The following ERC2 variants were observed in gnomAD, a reference collection of about 807,000 sequenced individuals.
The protein encoded by ERC2 is ERC protein 2.
ERC2 carries 42 observed loss-of-function variants against 114.8 expected under a neutral mutation model. The ratio of observed to expected loss-of-function variants is 0.37; its 90% CI spans 0.29 to 0.47. ERC2 has a LOEUF of 0.47. Among genes scored for constraint, ERC2 ranks in the 20% least tolerant of loss-of-function variants. ERC2 has a pLI of 0.99. For synonymous variants in ERC2, 454 were observed against 425.5 expected (o/e 1.07, Z -0.82); for missense variants, 939 against 1,150.7 (o/e 0.82, Z 2.66).
At chr3:56,276,474 A>AAAAAAAAAAAAAAC (rs1446116012) in intron 3 of ERC2, among the ~76,000 whole-genome samples, 2,295 of 146,488 alleles carry the variant, frequency 0.016, 31 homozygotes, top group Non-Finnish European at 0.026. Context: ...AAAAAAAAAA[A>AAAAAAAAAAAAAAC]AAACAAACTC....
chr3:55,747,701 G>A (rs536261211), intron 14 of ERC2, among the ~76,000 whole-genome samples: 1 of 152,212 alleles, frequency 6.6e-6, no homozygotes, highest in Non-Finnish European at 1.5e-5. Flanking sequence ...CCTTTGCAAA[G>A]TTTCACCAAT....
chr3:56,339,234 C>A (rs563323262), intron 2 of ERC2, among the ~76,000 whole-genome samples: 1 of 152,142 alleles, frequency 6.6e-6, no homozygotes, highest in Non-Finnish European at 1.5e-5. Context: ...TATGGGAGTG[C>A]GCCATCATAC....
rs373693565 is a variant in ERC2 at position 56,091,079 on chromosome 3, C to G, written c.1474-10095G>C. ...GATGGGACAATTTGATGCACTTTTT[C>G]TTTAAAATTCGCTCTGGGTGTTCTA... On this transcript the variant is annotated intron_variant, in intron 6 of 17. Transcript: ENST00000288221. 2.3e-3 allele frequency among the ~76,000 whole-genome samples: 351 copies of G among 152,104 alleles called. 19 individuals are homozygous for G. The South Asian group carries it at 0.07, about 30-fold the overall frequency.
At chr3:56,211,566 C>T (rs1280239579) in intron 3 of ERC2, among the ~76,000 whole-genome samples, 1 of 151,928 alleles carries the variant, frequency 6.6e-6, no homozygotes, top group Non-Finnish European at 1.5e-5. Context: ...ATCAAAATAC[C>T]ACCAGCATTC....
chr3:55,700,553 C>T (rs2063170106), intron 15 of ERC2, among the ~76,000 whole-genome samples: 1 of 152,216 alleles, frequency 6.6e-6, no homozygotes, highest in Admixed American at 6.5e-5. Context: ...CAATGAAAGT[C>T]AAATGCTGTC....
intron 6 of ERC2, among the ~76,000 whole-genome samples, chr3:56,107,815 C>A (rs7647972): frequency 1.3e-5 from 2 of 152,004 alleles, no homozygotes; most frequent in Non-Finnish European, 2.9e-5. Flanking sequence ...TAACTGATTC[C>A]TACTGTAATA....
At chr3:56,287,402 C>T (rs1262561693) in intron 3 of ERC2, among the ~76,000 whole-genome samples, 4 of 152,142 alleles carry the variant, frequency 2.6e-5, no homozygotes, top group Admixed American at 2.6e-4. Context: ...AAAAATTCAC[C>T]TATTTGTGCA....
At chr3:56,338,357 C>T (rs989551899) in intron 2 of ERC2, among the ~76,000 whole-genome samples, 4 of 152,200 alleles carry the variant, frequency 2.6e-5, no homozygotes, top group Non-Finnish European at 5.9e-5. Flanking sequence ...TAATCCAGGC[C>T]CTCTTTTCAG....
intron 10 of ERC2, among the ~76,000 whole-genome samples, chr3:56,001,516 G>A (rs960442054): frequency 6.6e-6 from 1 of 152,044 alleles, no homozygotes; most frequent in Admixed American, 6.6e-5. Flanking sequence ...ATTAACTTGA[G>A]GAGAAAAGTC....
chr3:56,115,894 C>A lies in ERC2; in HGVS notation c.1473+23615G>T, dbSNP rs149378963. ...GCACACACTGAAGGCCACCCTCCCC[C>A]TGCTGTAATCCCTCCAGGGCCAGGT... On this transcript the variant is annotated intron_variant, in intron 6 of 17. Coordinates refer to ENST00000288221, the MANE Select transcript of ERC2 (RefSeq NM_015576.3). Among the ~76,000 whole-genome samples, 798 of 152,288 alleles carry A rather than the reference C, an allele frequency of 5.2e-3. 13 individuals carry two copies. The highest frequency in any genetic ancestry group is 0.018 in the African/African-American group (767 of 41,564).
chr3:56,420,359 G>C (rs2061339727), intron 2 of ERC2, among the ~76,000 whole-genome samples: 1 of 151,154 alleles, frequency 6.6e-6, no homozygotes. Flanking sequence ...TAATTTTTTA[G>C]TAAAGACAGG....
At chr3:55,517,300 G>A (rs867834189) in intron 17 of ERC2, among the ~76,000 whole-genome samples, 54 of 151,866 alleles carry the variant, frequency 3.6e-4, no homozygotes, top group African/African-American at 1.1e-3. Context: ...AATTAGCCAG[G>A]CGTAATGGCG....
At chr3:56,460,981 A>AT (rs869258017) in intron 1 of ERC2, among the ~76,000 whole-genome samples, 2 of 146,820 alleles carry the variant, frequency 1.4e-5, no homozygotes, top group Admixed American at 6.8e-5. Flanking sequence ...AAAAAAAAAA[A>AT]GCAAGATGGC....
intron 3 of ERC2, among the ~76,000 whole-genome samples, chr3:56,293,021 A>C (rs1420877274): frequency 6.6e-6 from 1 of 152,244 alleles, no homozygotes; most frequent in Non-Finnish European, 1.5e-5. Flanking sequence ...ACATTTTGTT[A>C]ATTATCATTG....
At chr3:56,168,707 C>T (rs1247232313) in intron 4 of ERC2, among the ~76,000 whole-genome samples, 4 of 152,158 alleles carry the variant, frequency 2.6e-5, no homozygotes, top group Non-Finnish European at 5.9e-5. Flanking sequence ...ACTAAACAGG[C>T]TAAATTTGAC....
At chr3:56,250,393 T>C (rs1298739627) in intron 3 of ERC2, among the ~76,000 whole-genome samples, 3 of 152,134 alleles carry the variant, frequency 2.0e-5, no homozygotes, top group African/African-American at 4.8e-5. Flanking sequence ...CTTTAGGAAG[T>C]ATGAGAATTT....
intron 1 of ERC2, among the ~76,000 whole-genome samples, chr3:56,438,930 T>C (rs966269049): frequency 1.1e-4 from 16 of 152,240 alleles, no homozygotes; most frequent in African/African-American, 3.9e-4. Context: ...CATGAAAAGA[T>C]GTATTATCAT....
chr3:56,203,483 T>C (rs1278974831), intron 3 of ERC2, among the ~76,000 whole-genome samples: 2 of 152,232 alleles, frequency 1.3e-5, no homozygotes, highest in Admixed American at 1.3e-4. Context: ...CAATTGTCTA[T>C]AATTTTACAG....
Position 56,457,091 on chromosome 3 carries a change from T to C in ERC2, c.-141+11157A>G, listed in dbSNP as rs550531786. On this transcript the variant is annotated intron_variant, in intron 1 of 17. Transcript: ENST00000288221. ...ACTTTCTCAGACCCCTTTCAGAAGCTGTACACTATGAATTACTTCAAGTAT... is the reference window on the plus strand; with the variant it reads ...ACTTTCTCAGACCCCTTTCAGAAGCCGTACACTATGAATTACTTCAAGTAT... Among the ~76,000 whole-genome samples the C allele has an allele frequency of 2.0e-5, 3 of 152,362 alleles. No homozygotes were observed. The East Asian group carries it at 5.8e-4, about 29-fold the overall frequency.
Sources: allele counts gnomAD v4.1 joint callset (sites outside exome capture counted in the v4.1 genomes callset), GRCh38; gene constraint gnomAD v4.1.1; transcripts MANE v1.5; gene names NCBI Gene and HGNC (gene_info 2026-07-23, HGNC 2026-07-21).